Variants in CHN2 observed in about 807,000 individuals in gnomAD.
The protein encoded by CHN2 is chimerin 2, also known as beta-chimaerin.
A neutral mutation model predicts 56.3 loss-of-function variants in CHN2; 35 were observed. The observed-to-expected ratio is 0.62, with a 90% CI of 0.47 to 0.82. CHN2 has a LOEUF of 0.82. Ranked by LOEUF, CHN2 falls within the 40% of genes least tolerant of loss-of-function variation. The pLI is 0.00. For synonymous variants in CHN2, 210 were observed against 212.8 expected, an observed-to-expected ratio of 0.99 and a Z score of 0.12; for missense variants, 491 against 580.5, an observed-to-expected ratio of 0.85 and a Z score of 1.58.
intron 6 of CHN2, among the ~76,000 whole-genome samples, chr7:29,473,476 T>TGTGTGTGTGTGTG (rs1232651713): frequency 6.9e-4 from 77 of 111,726 alleles, no homozygotes; most frequent in African/African-American, 2.6e-3. Flanking sequence ...TTGTGTTTTT[T>TGTGTGTGTGTGTG]TTTTTTTGTG....
rs368110521 is a variant in CHN2 at position 29,234,080 on chromosome 7, G to A, written c.49+39090G>A. ...GATCTCCTGACCTCGTGATCCGCCCGCCTCGGCCTCCCAAAGTGCTGGGAT... is the reference window on the plus strand; with the variant it reads ...GATCTCCTGACCTCGTGATCCGCCCACCTCGGCCTCCCAAAGTGCTGGGAT... On this transcript the variant is annotated intron_variant, in intron 1 of 12. Transcript: ENST00000222792. Among the ~76,000 whole-genome samples the A allele has an allele frequency of 5.3e-5, 8 of 151,390 alleles. No individual in the cohort carries two copies. In the South Asian group the frequency reaches 1.0e-3, roughly 20 times the overall value.
intron 2 of CHN2, among the ~76,000 whole-genome samples, chr7:29,358,487 G>T (rs1293344680): frequency 6.6e-6 from 1 of 151,900 alleles, no homozygotes; most frequent in East Asian, 1.9e-4. Flanking sequence ...TTTTGAGATG[G>T]AGTCTCGCTC....
intron 1 of CHN2, among the ~76,000 whole-genome samples, chr7:29,296,605 TAACA>T (rs536066838): frequency 2.6e-5 from 4 of 152,318 alleles, no homozygotes; most frequent in South Asian, 2.1e-4. Context: ...TTCATTTGCC[TAACA>T]AACAGACTCA....
At chr7:29,316,763 C>G (rs1794983439) in intron 1 of CHN2, among the ~76,000 whole-genome samples, 2 of 151,824 alleles carry the variant, frequency 1.3e-5, no homozygotes, top group South Asian at 4.2e-4. Flanking sequence ...TTCTAATTTG[C>G]CAAAGAAATA....
chr7:29,255,464 T>A (rs1788994731), intron 1 of CHN2, among the ~76,000 whole-genome samples: 2 of 152,150 alleles, frequency 1.3e-5, no homozygotes. Context: ...GTTAGAACCT[T>A]CCAGCCATGA....
intron 4 of CHN2, among the ~76,000 whole-genome samples, chr7:29,395,405 C>T (rs981578069): frequency 3.3e-5 from 5 of 152,080 alleles, no homozygotes; most frequent in Non-Finnish European, 5.9e-5. Flanking sequence ...TGCCTATGGT[C>T]CCAGCTACTC....
At chr7:29,162,294 A>G (rs1795284289) in intron 2 of CHN2, among the ~76,000 whole-genome samples, 2 of 152,218 alleles carry the variant, frequency 1.3e-5, no homozygotes, top group African/African-American at 4.8e-5. Context: ...ACACACAACC[A>G]TATAGTAGAA....
intron 1 of CHN2, among the ~76,000 whole-genome samples, chr7:29,346,878 T>C (rs942297238): frequency 6.6e-6 from 1 of 152,194 alleles, no homozygotes; most frequent in South Asian, 2.1e-4. Flanking sequence ...TCCTTTACAC[T>C]TGCTCCTCAG....
At chr7:29,384,640 A>C (rs1267682857) in intron 3 of CHN2, among the ~76,000 whole-genome samples, 1 of 152,212 alleles carries the variant, frequency 6.6e-6, no homozygotes, top group Non-Finnish European at 1.5e-5. Context: ...GTCTGGGTGT[A>C]GTTGCCCTTG....
At chr7:29,356,014 C>G (rs1225379764) in intron 2 of CHN2, among the ~76,000 whole-genome samples, 1 of 151,890 alleles carries the variant, frequency 6.6e-6, no homozygotes, top group East Asian at 1.9e-4. Flanking sequence ...AACTCCTGAG[C>G]TCAGGCAATC....
chr7:29,250,910 G>C (rs997461921), intron 1 of CHN2, among the ~76,000 whole-genome samples: 3 of 151,914 alleles, frequency 2.0e-5, no homozygotes, highest in African/African-American at 7.3e-5. Context: ...AGCTTTCACC[G>C]TGTTAGCCAG....
At chr7:29,166,673 T>C (rs542438074) in intron 2 of CHN2, among the ~76,000 whole-genome samples, 1 of 152,314 alleles carries the variant, frequency 6.6e-6, no homozygotes, top group South Asian at 2.1e-4. Flanking sequence ...AATATTTTCT[T>C]ATACTTTTAG....
intron 6 of CHN2, chr7:29,479,935 G>A (rs1244140235): frequency 1.8e-5 from 26 of 1,440,672 alleles, no homozygotes; most frequent in East Asian, 2.5e-5. Context: ...TTCAGAAGCC[G>A]GGCCCCCTCC....
intron 7 of CHN2, among the ~76,000 whole-genome samples, chr7:29,488,057 A>G (rs868690774): frequency 4.6e-5 from 7 of 152,186 alleles, no homozygotes; most frequent in Non-Finnish European, 1.0e-4. Context: ...TAGAAATGCA[A>G]TCCTATCTTA....
At chr7:29,251,210 T>C (rs1465324556) in intron 1 of CHN2, among the ~76,000 whole-genome samples, 1 of 152,192 alleles carries the variant, frequency 6.6e-6, no homozygotes, top group Non-Finnish European at 1.5e-5. Flanking sequence ...TCCAGCCCTT[T>C]GAGGGGCCAA....
intron 1 of CHN2, among the ~76,000 whole-genome samples, chr7:29,237,641 A>C (rs1787300154): frequency 6.6e-6 from 1 of 152,190 alleles, no homozygotes; most frequent in African/African-American, 2.4e-5. Flanking sequence ...GCTAAAGCAG[A>C]CAGGAAAGGA....
chr7:29,449,412 G>C (rs1562616267), intron 6 of CHN2, among the ~76,000 whole-genome samples: 2 of 152,186 alleles, frequency 1.3e-5, no homozygotes, highest in Non-Finnish European at 2.9e-5. Flanking sequence ...GCCCAGAACA[G>C]AGGTAAATAG....
intron 2 of CHN2, among the ~76,000 whole-genome samples, chr7:29,174,473 G>A (rs1166015793): frequency 6.6e-6 from 1 of 152,180 alleles, no homozygotes; most frequent in Non-Finnish European, 1.5e-5. Context: ...GGGACAGGTT[G>A]CTCAGCTGAT....
chr7:29,383,980 T>C (rs1012733000), intron 3 of CHN2, among the ~76,000 whole-genome samples: 2 of 152,100 alleles, frequency 1.3e-5, no homozygotes, highest in East Asian at 1.9e-4. Flanking sequence ...AATTAAGGAA[T>C]TGCATACAAT....
Sources: gnomAD v4.1 joint callset for allele counts (sites outside exome capture counted in the v4.1 genomes callset) on GRCh38, gnomAD v4.1.1 for gene constraint, MANE v1.5 for transcripts, NCBI Gene and HGNC (gene_info 2026-07-23, HGNC 2026-07-21) for gene names.